Variants in DCP2 observed in about 807,000 individuals in gnomAD.
DCP2 encodes the protein m7GpppN-mRNA hydrolase.
A neutral mutation model predicts 56.1 loss-of-function variants in DCP2; 30 were observed. The observed-to-expected ratio is 0.53, with a 90% CI of 0.40 to 0.73. The LOEUF (loss-of-function observed/expected upper bound fraction) is 0.73. Ranked by LOEUF, DCP2 falls within the 30% of genes least tolerant of loss-of-function variation. The probability of loss-of-function intolerance (pLI) is 0.00; values close to 1 mark genes in which losing one functional copy is unlikely to be tolerated. For missense variants in DCP2, 533 were observed against 502.7 expected, an observed-to-expected ratio of 1.06 and a Z score of -0.58; for synonymous variants, 197 against 163.3, an observed-to-expected ratio of 1.21 and a Z score of -1.57.
chr5:112,991,541 C>A (rs964641784), intron 2 of DCP2, among the ~76,000 whole-genome samples: 5 of 152,106 alleles, frequency 3.3e-5, no homozygotes, highest in Admixed American at 2.6e-4. Context: ...TAAAAGTGTT[C>A]TTCATTATGG....
intron 3 of DCP2, 145 bp downstream of exon 3, chr5:112,992,393 A>G (rs1161412592): frequency 2.6e-6 from 3 of 1,138,128 alleles, no homozygotes; most frequent in Non-Finnish European, 3.6e-6. Flanking sequence ...TGTATATTTT[A>G]TCCGCATGCT....
chr5:112,985,001 G>T (rs1748205363), intron 1 of DCP2, among the ~76,000 whole-genome samples: 1 of 151,738 alleles, frequency 6.6e-6, no homozygotes, highest in African/African-American at 2.4e-5. Context: ...AAACTGGGTG[G>T]TACTATTTTT....
intron 2 of DCP2, among the ~76,000 whole-genome samples, chr5:112,990,702 A>G (rs1394564307): frequency 6.6e-6 from 1 of 152,160 alleles, no homozygotes; most frequent in East Asian, 1.9e-4. Context: ...TTGGCCTCCC[A>G]AAGTGCTAGG....
chr5:112,987,290 T>C (rs1220625382), intron 2 of DCP2, among the ~76,000 whole-genome samples: 1 of 152,022 alleles, frequency 6.6e-6, no homozygotes, highest in Non-Finnish European at 1.5e-5. Flanking sequence ...TAAAGAAAAA[T>C]TGGAGATTTG....
At chr5:112,994,163 CTTTTTTT>C (rs771514208) in intron 4 of DCP2, among the ~76,000 whole-genome samples, 63 of 75,154 alleles carry the variant, frequency 8.4e-4, no homozygotes, top group Middle Eastern at 8.2e-3. Context: ...TTTTTTCTTT[CTTTTTTT>C]TTTTTTTTTT....
Position 113,017,907 on chromosome 5 carries a change from G to T in DCP2, c.*4423G>T, listed in dbSNP as rs1033410864. On this transcript the variant is annotated 3_prime_UTR_variant, in exon 11 of 11. Coordinates refer to ENST00000389063, the MANE Select transcript of DCP2 (RefSeq NM_152624.6). ...CCTGGATAAAGTTAATTTTTTTGAA[G>T]TTTGATTGCCAAGCAATCCAGTGAA... is the stretch of plus-strand genomic sequence containing the variant. The T allele has an allele frequency of 6.6e-6, 1 of 152,106 alleles. No individual in the cohort carries two copies. The highest frequency in any genetic ancestry group is 1.5e-5 in the Non-Finnish European group (1 of 68,014). 9.4% of individuals were successfully genotyped at this position (152,106 alleles called of 1,614,324 possible).
intron 2 of DCP2, among the ~76,000 whole-genome samples, chr5:112,991,587 A>G (rs905050496): frequency 2.0e-5 from 3 of 152,236 alleles, no homozygotes; most frequent in Admixed American, 6.5e-5. Flanking sequence ...ATAGAATGGC[A>G]TACCTCATTC....
chr5:113,001,200 C>A lies in DCP2; in HGVS notation c.549C>A (p.Asp183Glu), dbSNP rs1202182708. ...ACATCATTCCAGGAATTCCAAAAGA[C>A]ACAAAATTTAACCCAAAAACTAGAA... Reference protein sequence around the residue: ...RLYIIPGIPKDTKFNPKTRRE... With the variant: ...RLYIIPGIPKETKFNPKTRRE... The change falls in exon 5 of 11, where the codon GAC becomes GAA. Residue 183 changes from aspartate to glutamate, a missense_variant. Physicochemically the swap from Asp to Glu is conservative, Grantham distance 45. This residue lies in a region of DCP2 where 392 missense variants were observed against 346.6 expected (regional missense o/e 1.13). Coordinates refer to ENST00000389063, the MANE Select transcript of DCP2 (RefSeq NM_152624.6). 1 of 1,613,548 alleles carries A rather than the reference C, an allele frequency of 6.2e-7. No homozygotes were observed. Among genetic ancestry groups the A allele is most frequent in the East Asian group, 2.2e-5 (1 of 44,840 alleles).
Position 113,015,103 on chromosome 5 carries a change from A to C in DCP2, c.*1619A>C, listed in dbSNP as rs1406125367. 6.6e-6 allele frequency: 1 copy of C among 152,614 alleles called. No homozygotes were observed. Among genetic ancestry groups the C allele is most frequent in the Non-Finnish European group, 1.5e-5 (1 of 68,032 alleles). The allele number at this position is 152,614 out of a possible 1,614,324, so 9.5% of individuals were successfully genotyped here. On this transcript the variant is annotated 3_prime_UTR_variant, in exon 11 of 11. Transcript: ENST00000389063. ...AATCCTGCATCTTTTAATGTGACAA[A>C]TTTTTGAATCCTGTGACTTTTGCTT...
intron 1 of DCP2, chr5:112,984,480 A>G (rs1013000985): frequency 2.6e-5 from 4 of 151,902 alleles, no homozygotes; most frequent in Non-Finnish European, 4.4e-5. Flanking sequence ...TGAGCTGACA[A>G]CCAGCCATCA....
At chr5:113,001,044 G>T (rs1749153451) in intron 4 of DCP2, 40 bp from the exon 5 acceptor site, 1 of 1,556,452 alleles carries the variant, frequency 6.4e-7, no homozygotes, top group Admixed American at 2.0e-5. Context: ...AGAGGCCTAA[G>T]AACTAAAATG....
At chr5:113,003,879 A>T in intron 7 of DCP2, 63 bp from the exon 8 acceptor site, 1 of 1,539,672 alleles carries the variant, frequency 6.5e-7, no homozygotes, top group Non-Finnish European at 8.9e-7. Context: ...TTAACTATTA[A>T]GGTGTTAAAA....
chr5:113,006,485 T>C (rs1279565113), intron 8 of DCP2, among the ~76,000 whole-genome samples: 2 of 152,226 alleles, frequency 1.3e-5, no homozygotes, highest in African/African-American at 4.8e-5. Context: ...TGAAACTAAA[T>C]TAAAACTGCG....
chr5:113,001,348 G>T lies in DCP2; in HGVS notation c.586-9G>T. 1.9e-6 allele frequency: 3 copies of T among 1,603,000 alleles called. No homozygotes were observed. Among genetic ancestry groups the T allele is most frequent in the Middle Eastern group, 1.7e-4 (1 of 5,990 alleles). On this transcript the variant is annotated splice_polypyrimidine_tract_variant and intron_variant, in intron 5 of 10. Coordinates refer to ENST00000389063, the MANE Select transcript of DCP2 (RefSeq NM_152624.6). ...TTAACTAAATGAATTATTTTCTTCTGTGTTTCAGAACATTGAGTGGTTCTC... is the reference window on the plus strand; with the variant it reads ...TTAACTAAATGAATTATTTTCTTCTTTGTTTCAGAACATTGAGTGGTTCTC...
chr5:112,984,724 A>ATATATATATATATATATATATT (rs1748189209), intron 1 of DCP2: 1 of 135,656 alleles, frequency 7.4e-6, no homozygotes, highest in Non-Finnish European at 1.6e-5. Flanking sequence ...ATATATATAT[A>ATATATATATATATATATATATT]TTTGAGACAG....
intron 10 of DCP2, among the ~76,000 whole-genome samples, chr5:113,011,220 C>G (rs1749668876): frequency 6.6e-6 from 1 of 152,158 alleles, no homozygotes; most frequent in African/African-American, 2.4e-5. Context: ...TTCCCATACA[C>G]ACGTTAGTAA....
At chr5:112,999,388 CATG>C (rs1401977408) in intron 4 of DCP2, among the ~76,000 whole-genome samples, 1 of 151,918 alleles carries the variant, frequency 6.6e-6, no homozygotes, top group East Asian at 1.9e-4. Flanking sequence ...AGTGTAATAG[CATG>C]ATCTCGGCTC....
chr5:112,988,289 T>C (rs1265179248), intron 2 of DCP2, among the ~76,000 whole-genome samples: 2 of 149,510 alleles, frequency 1.3e-5, no homozygotes, highest in African/African-American at 4.9e-5. Context: ...GAGACCATCC[T>C]GGCCAACACA....
intron 4 of DCP2, among the ~76,000 whole-genome samples, chr5:112,992,983 G>C (rs1210681420): frequency 6.7e-6 from 1 of 149,162 alleles, no homozygotes; most frequent in African/African-American, 2.5e-5. Flanking sequence ...TTTTTTTAAT[G>C]GTCCATTTTG....
Sources: gnomAD v4.1 joint callset for allele counts (sites outside exome capture counted in the v4.1 genomes callset) on GRCh38, gnomAD v4.1.1 for gene constraint, gnomAD v4.1.1 regional missense constraint, MANE v1.5 for transcripts, NCBI Gene and HGNC (gene_info 2026-07-23, HGNC 2026-07-21) for gene names.